INSL6: variants seen among roughly 807,000 people sequenced by gnomAD.
The protein encoded by INSL6 is insulin like 6.
A neutral mutation model predicts 9.4 loss-of-function variants in INSL6; 16 were observed. The ratio of observed to expected loss-of-function variants is 1.70; its 90% CI spans 1.15 to 2.59. The LOEUF is 2.59. INSL6 is among the 30% of genes most tolerant of loss of function. INSL6 has a pLI of 0.00. For synonymous variants in INSL6, 154 were observed against 96.9 expected (o/e 1.59, Z -3.46); for missense variants, 391 against 257.3 (o/e 1.52, Z -3.56).
At chr9:5,119,937 GAA>G (rs1272040890), downstream of INSL6, among the ~76,000 whole-genome samples, 19 of 152,156 alleles carry the variant, frequency 1.2e-4, no homozygotes, top group African/African-American at 4.6e-4. Flanking sequence ...TTTAGAATAT[GAA>G]TTGATAAAAT....
the INSL6 span, among the ~76,000 whole-genome samples, chr9:5,027,135 AG>A: frequency 2.0e-5 from 3 of 152,254 alleles, no homozygotes; most frequent in Non-Finnish European, 2.9e-5. Context: ...GGACAACTGA[AG>A]AAACCAGATG....
the INSL6 span, among the ~76,000 whole-genome samples, chr9:5,035,894 G>A: frequency 4.5e-4 from 69 of 152,318 alleles, no homozygotes; most frequent in African/African-American, 1.4e-3. Context: ...AGTCAGGCTG[G>A]AGAAGGAAAT....
the INSL6 span, among the ~76,000 whole-genome samples, chr9:5,004,958 C>T: frequency 6.7e-6 from 1 of 149,686 alleles, no homozygotes; most frequent in African/African-American, 2.5e-5. Context: ...GCTCTGTTGC[C>T]TAGGCTGAAG....
chr9:5,119,257 G>A (rs1823435006), downstream of INSL6, among the ~76,000 whole-genome samples: 1 of 151,968 alleles, frequency 6.6e-6, no homozygotes, highest in Non-Finnish European at 1.5e-5. Flanking sequence ...AATAATATGT[G>A]ATTTTTTTAA....
the INSL6 span, chr9:5,110,924 C>A: frequency 1.7e-6 from 1 of 572,946 alleles, no homozygotes; most frequent in East Asian, 4.3e-5. Flanking sequence ...ATGAACCAGC[C>A]GCAGAGGATG....
At chr9:5,112,837 TG>T in the INSL6 span, 2 of 553,882 alleles carry the variant, frequency 3.6e-6, no homozygotes, top group Non-Finnish European at 5.7e-6. Flanking sequence ...ACAACCCCGC[TG>T]GGCACGTGTG....
the INSL6 span, chr9:5,069,155 G>T: frequency 1.2e-6 from 2 of 1,612,114 alleles, no homozygotes; most frequent in Non-Finnish European, 1.7e-6. Flanking sequence ...GAAACTGTTC[G>T]CTCAGACAAT....
At chr9:5,041,177 A>T in the INSL6 span, 19 of 1,298,756 alleles carry the variant, frequency 1.5e-5, no homozygotes, top group Non-Finnish European at 2.1e-5. Context: ...GCACACCAAG[A>T]ACCTCATTTA....
At chr9:5,106,645 C>T in the INSL6 span, among the ~76,000 whole-genome samples, 1 of 152,174 alleles carries the variant, frequency 6.6e-6, no homozygotes, top group Admixed American at 6.5e-5. Flanking sequence ...GACTTGGAAC[C>T]AACCCAAATG....
the INSL6 span, among the ~76,000 whole-genome samples, chr9:5,036,116 G>C: frequency 2.4e-4 from 36 of 152,302 alleles, no homozygotes; most frequent in African/African-American, 8.7e-4. Flanking sequence ...AATCATGAGT[G>C]AACTCCCATT....
At chr9:5,068,949 C>A in the INSL6 span, 39 of 827,648 alleles carry the variant, frequency 4.7e-5, no homozygotes, top group Admixed American at 9.0e-4. Flanking sequence ...CTTGTGATAT[C>A]ATTTTGTCAG....
At chr9:5,062,654 T>C in the INSL6 span, among the ~76,000 whole-genome samples, 8 of 152,124 alleles carry the variant, frequency 5.3e-5, no homozygotes, top group East Asian at 1.9e-4. Flanking sequence ...ACAACTTTGA[T>C]AGATTATTAA....
At chr9:5,060,697 T>C in the INSL6 span, among the ~76,000 whole-genome samples, 8 of 152,154 alleles carry the variant, frequency 5.3e-5, no homozygotes, top group Non-Finnish European at 1.2e-4. Flanking sequence ...TCCATGAGGG[T>C]TGGAATCAAC....
chr9:5,159,525 G>A (rs1824880220), downstream of INSL6, among the ~76,000 whole-genome samples: 1 of 151,958 alleles, frequency 6.6e-6, no homozygotes, highest in East Asian at 1.9e-4. Context: ...GACAAATTAG[G>A]TTTCAAGACA....
At chr9:5,088,251 C>G in the INSL6 span, among the ~76,000 whole-genome samples, 1 of 152,088 alleles carries the variant, frequency 6.6e-6, no homozygotes, top group Non-Finnish European at 1.5e-5. Context: ...GTCTATCCAC[C>G]TTATTGTGTG....
At chr9:5,031,547 T>G in the INSL6 span, among the ~76,000 whole-genome samples, 1 of 152,198 alleles carries the variant, frequency 6.6e-6, no homozygotes, top group African/African-American at 2.4e-5. Flanking sequence ...TACTTTATAA[T>G]GTATATCAGA....
chr9:4,996,622 T>G, the INSL6 span, among the ~76,000 whole-genome samples: 1 of 151,944 alleles, frequency 6.6e-6, no homozygotes. Flanking sequence ...TTGCATCAGA[T>G]CTTCAGTTGT....
chr9:5,113,308 G>A, the INSL6 span, among the ~76,000 whole-genome samples: 2 of 143,586 alleles, frequency 1.4e-5, no homozygotes, highest in African/African-American at 2.6e-5. Context: ...TGGAGAAATC[G>A]TAACATATCA....
At chr9:5,069,138 C>T in the INSL6 span, 1 of 1,612,972 alleles carries the variant, frequency 6.2e-7, no homozygotes, top group South Asian at 1.1e-5. Context: ...TGAATTGTTA[C>T]CAGATGGAAA....
Sources: gnomAD v4.1 joint callset for allele counts (sites outside exome capture counted in the v4.1 genomes callset) on GRCh38, gnomAD v4.1.1 for gene constraint, MANE v1.5 for transcripts, NCBI Gene and HGNC (gene_info 2026-07-23, HGNC 2026-07-21) for gene names.